The following USH2A variants were observed in gnomAD, a reference collection of about 807,000 sequenced individuals.
The protein encoded by USH2A is usherin, also known as Usher syndrome 2A (autosomal recessive, mild).
USH2A carries 443 observed loss-of-function variants against 538.9 expected under a neutral mutation model. The observed-to-expected ratio is 0.82, with a 90% CI of 0.76 to 0.89. The LOEUF (loss-of-function observed/expected upper bound fraction) is 0.89, where lower values mean the gene tolerates loss of function less well. Ranked by LOEUF, USH2A falls within the 40% of genes least tolerant of loss-of-function variation. The probability of loss-of-function intolerance (pLI) is 0.00; values close to 1 mark genes in which losing one functional copy is unlikely to be tolerated. For missense variants in USH2A, 6,633 were observed against 6,324.8 expected (o/e 1.05, Z -1.65); for synonymous variants, 2,413 against 2,273.5 (o/e 1.06, Z -1.75).
At chr1:216,006,332 C>T (rs1365190318) in intron 32 of USH2A, among the ~76,000 whole-genome samples, 1 of 152,170 alleles carries the variant, frequency 6.6e-6, no homozygotes, top group African/African-American at 2.4e-5. Flanking sequence ...TACACAATGT[C>T]CAGTCTCTTG....
intron 68 of USH2A, among the ~76,000 whole-genome samples, chr1:215,640,279 A>T (rs1427865432): frequency 6.6e-6 from 1 of 152,172 alleles, no homozygotes. Context: ...TTGTGAACCC[A>T]ACTGGCCCTT....
chr1:215,645,051 A>G (rs1259398221), intron 67 of USH2A, among the ~76,000 whole-genome samples: 2 of 152,194 alleles, frequency 1.3e-5, no homozygotes, highest in Non-Finnish European at 2.9e-5. Context: ...CACTGACAGC[A>G]ATGGGGTATA....
intron 41 of USH2A, among the ~76,000 whole-genome samples, chr1:215,881,264 C>T (rs1199415938): frequency 6.6e-6 from 1 of 152,210 alleles, no homozygotes; most frequent in Non-Finnish European, 1.5e-5. Context: ...CTTCAGCCCC[C>T]TGAGTGGCTA....
chr1:216,398,297 A>G (rs1007243834), intron 3 of USH2A, among the ~76,000 whole-genome samples: 2 of 152,174 alleles, frequency 1.3e-5, no homozygotes, highest in Non-Finnish European at 2.9e-5. Flanking sequence ...TAGAAGAAAA[A>G]AAATTAGGAA....
In USH2A at chr1:215,788,418, G is replaced by C. The variant is rs535406216; in HGVS notation, c.10183-1544C>G. Among the ~76,000 whole-genome samples the C allele has an allele frequency of 9.2e-5, 14 of 152,076 alleles. No individual in the cohort carries two copies. The South Asian group carries it at 2.9e-3, about 32-fold the overall frequency. ...TTGCGCCTTTTCCATTATGATCCAA[G>C]GGCTGCATGAAGCATCACAAGATGT... On this transcript the variant is annotated intron_variant, in intron 51 of 71. Transcript: ENST00000307340.
At chr1:215,637,291 A>G (rs1007435999) in intron 69 of USH2A, among the ~76,000 whole-genome samples, 1 of 152,202 alleles carries the variant, frequency 6.6e-6, no homozygotes, top group Admixed American at 6.5e-5. Context: ...GAATCACTGG[A>G]CAGGACTTAT....
At position 216,380,349 on chromosome 1, in the gene USH2A, C is replaced by T. The variant is rs552684580; in HGVS notation, c.652-15264G>A. Among the ~76,000 whole-genome samples, 7 of 152,266 alleles carry T rather than the reference C, an allele frequency of 4.6e-5. No individual in the cohort carries two copies. In the East Asian group the frequency reaches 1.4e-3, roughly 29 times the overall value. On this transcript the variant is annotated intron_variant, in intron 3 of 71. Coordinates refer to ENST00000307340, the MANE Select transcript of USH2A (RefSeq NM_206933.4). The stretch of plus-strand genomic sequence containing the variant: ...ACTGCCTATTTATTTGGAAGCAACA[C>T]TGTTCCAGGCACCAGAATACAGAGC...
chr1:215,774,034 C>T (rs1232593356), intron 55 of USH2A, among the ~76,000 whole-genome samples: 1 of 152,084 alleles, frequency 6.6e-6, no homozygotes, highest in Non-Finnish European at 1.5e-5. Context: ...AACAGCTGCC[C>T]ATTCCACTTA....
chr1:216,407,682 G>A (rs1033248011), intron 3 of USH2A, among the ~76,000 whole-genome samples: 5 of 152,076 alleles, frequency 3.3e-5, no homozygotes, highest in African/African-American at 7.2e-5. Flanking sequence ...TCTTCCTGAC[G>A]TTAGTGCGAA....
intron 49 of USH2A, among the ~76,000 whole-genome samples, chr1:215,810,202 T>C (rs955171195): frequency 6.6e-5 from 10 of 151,906 alleles, no homozygotes; most frequent in Non-Finnish European, 1.0e-4. Flanking sequence ...TGCAGAAACA[T>C]GTATTTATAC....
intron 3 of USH2A, among the ~76,000 whole-genome samples, chr1:216,417,397 CT>C (rs1246463654): frequency 1.3e-5 from 2 of 152,026 alleles, no homozygotes; most frequent in Non-Finnish European, 2.9e-5. Flanking sequence ...ATACTGGAAA[CT>C]GTGGTACCCA....
At chr1:215,931,598 G>A (rs1187465017) in intron 38 of USH2A, among the ~76,000 whole-genome samples, 1 of 151,968 alleles carries the variant, frequency 6.6e-6, no homozygotes, top group Non-Finnish European at 1.5e-5. Flanking sequence ...TTTCACAGCT[G>A]GCTAAAATAC....
chr1:216,097,234 A>C, intron 21 of USH2A, 21 bp from the exon 22 acceptor site: 1 of 1,614,094 alleles, frequency 6.2e-7, no homozygotes, highest in Non-Finnish European at 8.5e-7. Context: ...AAGTGTGATC[A>C]GCAAATCAGT....
At position 215,900,764 on chromosome 1, in the gene USH2A, C is replaced by T. The variant is rs140341466; in HGVS notation, c.7442G>A (p.Gly2481Glu). The change falls in exon 39 of 72, where the codon GGA becomes GAA. Residue 2481 changes from glycine (G) to glutamate (E), a missense_variant. Physicochemically the swap from Gly to Glu is moderately conservative, Grantham distance 98. Transcript: ENST00000307340. ...AAAGTAGAATGCTCACTCTAGAAAT[C>T]CATGGGTGGAGTCGCCAGACCTCAT... ...LQMRSGDSTH[G>E]FLELFSNPSA... is the part of the protein sequence containing the mutation. The T allele has an allele frequency of 3.1e-6, 5 of 1,613,634 alleles. No homozygotes were observed. The highest frequency in any genetic ancestry group is 1.3e-5 in the African/African-American group (1 of 74,994).
intron 31 of USH2A, among the ~76,000 whole-genome samples, chr1:216,047,598 C>G (rs1171241896): frequency 6.6e-6 from 1 of 152,082 alleles, no homozygotes; most frequent in Non-Finnish European, 1.5e-5. Flanking sequence ...TGGTTTCATC[C>G]TATGGGTCCA....
chr1:216,173,642 A>C (rs1413897819), intron 21 of USH2A, among the ~76,000 whole-genome samples: 1 of 152,154 alleles, frequency 6.6e-6, no homozygotes, highest in Non-Finnish European at 1.5e-5. Flanking sequence ...TGCACCTCAG[A>C]GTATAAGGCC....
chr1:216,178,447 T>A (rs1347702621), intron 20 of USH2A, among the ~76,000 whole-genome samples: 1 of 152,172 alleles, frequency 6.6e-6, no homozygotes, highest in Non-Finnish European at 1.5e-5. Flanking sequence ...GAGTCTCTCT[T>A]CAGAGTTTAG....
At chr1:216,276,748 G>A (rs2036677785) in intron 11 of USH2A, among the ~76,000 whole-genome samples, 1 of 152,226 alleles carries the variant, frequency 6.6e-6, no homozygotes, top group Admixed American at 6.5e-5. Flanking sequence ...AGCAGGCAGA[G>A]AAAGCTTGTG....
At position 215,628,977 on chromosome 1, in the gene USH2A, C is replaced by T. The variant is rs201630132; in HGVS notation, c.15356G>A (p.Arg5119Gln). The T allele has an allele frequency of 8.7e-5, 140 of 1,613,920 alleles. No homozygotes were observed. The highest frequency in any genetic ancestry group is 1.1e-4 in the Non-Finnish European group (130 of 1,180,040). The stretch of plus-strand genomic sequence containing the variant: ...CGGGATGCGCAGGACACATGCACTC[C>T]GGTTGCTGCGGATACTCACAGGTGT... ...SGTPVSIRSNRSACVLRIPSQ... is the reference protein window; with the variant it reads ...SGTPVSIRSNQSACVLRIPSQ... Residue 5119 changes from arginine to glutamine, a missense_variant, in exon 71 of 72, where the codon CGG becomes CAG. Physicochemically the swap from Arg to Gln is conservative, Grantham distance 43. Coordinates refer to ENST00000307340, the MANE Select transcript of USH2A (RefSeq NM_206933.4).
Sources: gnomAD v4.1 joint callset for allele counts (sites outside exome capture counted in the v4.1 genomes callset) on GRCh38, gnomAD v4.1.1 for gene constraint, MANE v1.5 for transcripts, NCBI Gene and HGNC (gene_info 2026-07-23, HGNC 2026-07-21) for gene names.